HIVEP3: variants seen among roughly 807,000 people sequenced by gnomAD.
HIVEP3 encodes the protein HIVEP zinc finger 3.
In HIVEP3, 49 loss-of-function variants were observed where a neutral mutation model predicts 152.8. The observed-to-expected ratio is 0.32, with a 90% confidence interval of 0.26 to 0.41. The LOEUF (loss-of-function observed/expected upper bound fraction) is 0.41. Ranked by LOEUF, HIVEP3 falls within the 10% of genes least tolerant of loss-of-function variation. HIVEP3 has a pLI of 1.00. For synonymous variants in HIVEP3, 1,269 were observed against 1,289.0 expected, an observed-to-expected ratio of 0.98 and a Z score of 0.33; for missense variants, 2,790 against 3,103.3, an observed-to-expected ratio of 0.90 and a Z score of 2.40.
At chr1:41,958,923 G>A (rs653944) in intron 1 of HIVEP3, among the ~76,000 whole-genome samples, 83,243 of 151,972 alleles carry the variant, frequency 0.55, 22,920 homozygotes, top group East Asian at 0.71. Context: ...CTGTGGGAGT[G>A]GGCACCAAGT....
chr1:42,018,715 T>C (rs926060855), intron 1 of HIVEP3, among the ~76,000 whole-genome samples: 1 of 152,056 alleles, frequency 6.6e-6, no homozygotes, highest in African/African-American at 2.4e-5. Context: ...TAAGTTCTCC[T>C]TGACTAGAGA....
At chr1:41,725,641 T>G (rs1271266111) in intron 1 of HIVEP3, among the ~76,000 whole-genome samples, 1 of 152,136 alleles carries the variant, frequency 6.6e-6, no homozygotes, top group Non-Finnish European at 1.5e-5. Context: ...GTATGGAAAC[T>G]CCATAAGAGG....
At chr1:41,849,847 T>C (rs886499100) in intron 1 of HIVEP3, among the ~76,000 whole-genome samples, 1 of 152,052 alleles carries the variant, frequency 6.6e-6, no homozygotes, top group African/African-American at 2.4e-5. Context: ...TGCACCACCA[T>C]GCCCAGCTAA....
At chr1:41,782,122 A>G (rs1649082433) in intron 1 of HIVEP3, among the ~76,000 whole-genome samples, 1 of 152,252 alleles carries the variant, frequency 6.6e-6, no homozygotes, top group African/African-American at 2.4e-5. Context: ...ATAGCACTCA[A>G]CCTTGAAAAG....
intron 6 of HIVEP3, among the ~76,000 whole-genome samples, chr1:41,518,817 GTT>G (rs35277923): frequency 1.1e-4 from 15 of 134,666 alleles, no homozygotes; most frequent in Admixed American, 7.4e-5. Context: ...AGTGCAATAG[GTT>G]TTTTTTTTTT....
Position 41,513,471 on chromosome 1 carries a change from G to A in HIVEP3, c.5750C>T (p.Ser1917Leu), listed in dbSNP as rs772015729. The A allele has an allele frequency of 8.7e-6, 14 of 1,610,984 alleles. No homozygotes were observed. The highest frequency in any genetic ancestry group is 3.3e-4 in the Middle Eastern group (2 of 6,018). The change falls in exon 8 of 9, where the codon TCG becomes TTG. Residue 1917 changes from serine to leucine, a missense_variant. Transcript: ENST00000372583. ...TGTCAGGCGCTCAGCTTCCGAGACC[G>A]AGCTGCCTCGTGTAGCCTCCGTGCC... ...ASGTEATRGS[S>L]VSEAERLTAS...
chr1:41,913,189 A>G (rs1363205620), intron 1 of HIVEP3, among the ~76,000 whole-genome samples: 2 of 152,186 alleles, frequency 1.3e-5, no homozygotes, highest in South Asian at 2.1e-4. Context: ...AGTCATAGGA[A>G]CCTCTTCACT....
chr1:41,512,698 A>T, intron 8 of HIVEP3, 118 bp downstream of exon 8: 1 of 809,406 alleles, frequency 1.2e-6, no homozygotes, highest in Non-Finnish European at 1.9e-6. Context: ...GAAATTATTA[A>T]TAACTACTGA....
At chr1:41,573,458 C>T (rs954764303) in intron 5 of HIVEP3, among the ~76,000 whole-genome samples, 3 of 152,120 alleles carry the variant, frequency 2.0e-5, no homozygotes, top group African/African-American at 7.2e-5. Flanking sequence ...CTTGAGATAG[C>T]CAGGCTGGGG....
intron 1 of HIVEP3, among the ~76,000 whole-genome samples, chr1:41,770,718 G>A (rs760319386): frequency 2.0e-5 from 3 of 152,104 alleles, no homozygotes; most frequent in Non-Finnish European, 4.4e-5. Context: ...AAGTGTCAAG[G>A]TCATGAAAAG....
chr1:41,643,470 T>C (rs1008491814), intron 2 of HIVEP3, among the ~76,000 whole-genome samples: 13 of 152,206 alleles, frequency 8.5e-5, no homozygotes, highest in Non-Finnish European at 1.9e-4. Flanking sequence ...GACGAGTGCA[T>C]GAATAACAAT....
chr1:41,595,169 G>A (rs1303648299), intron 3 of HIVEP3, among the ~76,000 whole-genome samples: 1 of 152,196 alleles, frequency 6.6e-6, no homozygotes. Context: ...GGAAGCTGAT[G>A]AAATTCCTCC....
rs762816658 is a variant in HIVEP3 at position 41,583,087 on chromosome 1, C to T, written c.1711G>A (p.Glu571Lys). Residue 571 changes from glutamate (E) to lysine (K), a missense_variant, in exon 4 of 9, where the codon GAA becomes AAA. Physicochemically the swap from Glu to Lys is moderately conservative, Grantham distance 56. This residue lies in a region of HIVEP3 where 339 missense variants were observed against 327.0 expected (regional missense o/e 1.04). Transcript: ENST00000372583. This position sits in a 1 kb window ranked among gnomAD's most constrained non-coding sequence, Gnocchi z 6.9. ...ACGTGACTGCTGTGGCTCAGGGCTT[C>T]GGAGTCGGTGATATGGTCATCGAAG... is the stretch of plus-strand genomic sequence containing the variant. ...YSFDDHITDSEALSHSSHVFT... is the reference protein window; with the variant it reads ...YSFDDHITDSKALSHSSHVFT... 11 of 1,613,388 alleles carry T rather than the reference C, an allele frequency of 6.8e-6. No homozygotes were observed. The highest frequency in any genetic ancestry group is 2.2e-5 in the East Asian group (1 of 44,840).
At chr1:41,867,877 G>T (rs538881244) in intron 1 of HIVEP3, among the ~76,000 whole-genome samples, 1 of 152,116 alleles carries the variant, frequency 6.6e-6, no homozygotes, top group Non-Finnish European at 1.5e-5. Flanking sequence ...CTATCACCTA[G>T]AACACAGCCA....
chr1:41,762,222 TC>T (rs1054530947), intron 1 of HIVEP3, among the ~76,000 whole-genome samples: 34 of 152,162 alleles, frequency 2.2e-4, no homozygotes, highest in African/African-American at 8.0e-4. Context: ...CAACCTCACA[TC>T]CCCTCTCTGC....
intron 5 of HIVEP3, among the ~76,000 whole-genome samples, chr1:41,534,765 G>A (rs977389058): frequency 2.0e-5 from 3 of 152,200 alleles, no homozygotes; most frequent in African/African-American, 7.2e-5. Flanking sequence ...GAGTTCCTGA[G>A]CACAAGTTTA....
chr1:41,897,366 T>C (rs753577511), intron 1 of HIVEP3, among the ~76,000 whole-genome samples: 6 of 152,090 alleles, frequency 3.9e-5, no homozygotes, highest in African/African-American at 7.2e-5. Context: ...ACCAGTGTGA[T>C]AGAATGAAGA....
rs370685690 is a variant in HIVEP3, at chr1:41,766,772, GAGTCTGGCCAGATCCACTTA to G, written c.-800-65797_-800-65778del. On this transcript the variant is annotated intron_variant, in intron 1 of 8. Coordinates refer to ENST00000372583, the MANE Select transcript of HIVEP3 (RefSeq NM_024503.5). ...AGCACTCCATTCTCCACTAGGCTTG[GAGTCTGGCCAGATCCACTTA>G]ATGGACTCCAACATACCTCCAAACA... 2.6e-5 allele frequency among the ~76,000 whole-genome samples: 4 copies of G among 152,306 alleles called. No individual in the cohort carries two copies. The East Asian group carries it at 7.7e-4, about 29-fold the overall frequency.
At chr1:41,587,966 A>G (rs1644530429) in intron 3 of HIVEP3, among the ~76,000 whole-genome samples, 1 of 152,210 alleles carries the variant, frequency 6.6e-6, no homozygotes, top group African/African-American at 2.4e-5. Context: ...CATCTGAACA[A>G]TAGAGTTGCC....
Sources: gnomAD v4.1 joint callset for allele counts (sites outside exome capture counted in the v4.1 genomes callset) on GRCh38, gnomAD v4.1.1 for gene constraint, gnomAD v4.1.1 regional missense constraint, Gnocchi (gnomAD v3.1) non-coding constraint, MANE v1.5 for transcripts, NCBI Gene and HGNC (gene_info 2026-07-23, HGNC 2026-07-21) for gene names.